The following QSER1 variants were observed in gnomAD, a reference collection of about 807,000 sequenced individuals.
QSER1 encodes glutamine and serine rich 1.
Under a neutral mutation model 158.5 loss-of-function variants are expected in QSER1, and 49 were observed. The ratio of observed to expected loss-of-function variants is 0.31; its 90% CI spans 0.25 to 0.39. QSER1 has a LOEUF of 0.39. QSER1 is among the 10% of genes least tolerant of loss of function. QSER1 has a pLI of 1.00. For synonymous variants in QSER1, 650 were observed against 715.5 expected (o/e 0.91, Z 1.46); for missense variants, 1,754 against 2,010.3 (o/e 0.87, Z 2.44).
chr11:32,933,131 A>G lies in QSER1; in HGVS notation c.1873A>G (p.Met625Val), dbSNP rs779886845. The G allele has an allele frequency of 2.2e-5, 36 of 1,613,206 alleles. No individual in the cohort carries two copies. Among genetic ancestry groups the G allele is most frequent in the Non-Finnish European group, 2.6e-5 (31 of 1,179,798 alleles). ...DSSPTQNYIS[M>V]HSSQNVQTQE... ...TAGCCCGACCCAGAATTATATTTCTATGCATTCTTCCCAAAATGTTCAGAC... is the reference window on the plus strand; with the variant it reads ...TAGCCCGACCCAGAATTATATTTCTGTGCATTCTTCCCAAAATGTTCAGAC... Residue 625 changes from methionine (M) to valine (V), a missense_variant, in exon 4 of 13, where the codon ATG (methionine) becomes GTG (valine). Transcript: ENST00000650167.
At position 32,934,658 on chromosome 11, in the gene QSER1, C is replaced by G. The variant is rs1318521326; in HGVS notation, c.3400C>G (p.Gln1134Glu). Residue 1134 changes from glutamine to glutamate, a missense_variant, in exon 4 of 13, where the codon CAA becomes GAA. Around this residue, in one of 2 missense-constraint regions of QSER1, gnomAD observed 1,707 missense variants for 1,919.6 expected, o/e 0.89. Coordinates refer to ENST00000650167, the MANE Select transcript of QSER1 (RefSeq NM_001076786.3). The part of the protein sequence containing the change: ...VDSTLNNNRN[Q>E]EFVSSSRSIS... ...TAGTACATTAAATAATAACAGAAAC[C>G]AAGAGTTTGTTTCTAGTAGTAGAAG... 3.1e-6 allele frequency: 5 copies of G among 1,613,486 alleles called. No homozygotes were observed. In the African/African-American group the frequency reaches 4.0e-5, roughly 13 times the overall value.
intron 1 of QSER1, chr11:32,926,648 T>C (rs1851975922): frequency 6.6e-6 from 1 of 152,212 alleles, no homozygotes; most frequent in Non-Finnish European, 1.5e-5. Context: ...ATGTTTGAGC[T>C]TGAAGTTTTC....
intron 4 of QSER1, among the ~76,000 whole-genome samples, chr11:32,948,567 G>T (rs949984643): frequency 6.6e-6 from 1 of 152,066 alleles, no homozygotes; most frequent in African/African-American, 2.4e-5. Context: ...AGTTTGAGGG[G>T]GCAGTGAGCT....
intron 4 of QSER1, 85 bp from the exon 5 acceptor site, chr11:32,953,772 T>C: frequency 6.9e-7 from 1 of 1,458,380 alleles, no homozygotes; most frequent in East Asian, 2.3e-5. Context: ...ATCAAGTCTT[T>C]CTTTTTAAAC....
At chr11:32,956,515 A>ACT (rs1161588810) in intron 7 of QSER1, among the ~76,000 whole-genome samples, 1 of 152,176 alleles carries the variant, frequency 6.6e-6, no homozygotes, top group Admixed American at 6.5e-5. Flanking sequence ...TGATAAAAAA[A>ACT]CTATAAGAAC....
chr11:32,906,628 G>T (rs1401604325), intron 1 of QSER1, among the ~76,000 whole-genome samples: 1 of 151,774 alleles, frequency 6.6e-6, no homozygotes, highest in Non-Finnish European at 1.5e-5. Context: ...TCTCAGGGTG[G>T]TCTCAAACTT....
At chr11:32,965,958 C>CACACAT (rs1245631910) in intron 8 of QSER1, among the ~76,000 whole-genome samples, 3 of 150,274 alleles carry the variant, frequency 2.0e-5, no homozygotes, top group Non-Finnish European at 4.5e-5. Context: ...CACACACACA[C>CACACAT]ACACACACAC....
intron 9 of QSER1, among the ~76,000 whole-genome samples, chr11:32,968,785 A>G (rs1052110913): frequency 2.6e-5 from 4 of 152,252 alleles, no homozygotes; most frequent in Non-Finnish European, 4.4e-5. Flanking sequence ...TAGTTCAGCT[A>G]AAACTTAGAA....
intron 4 of QSER1, among the ~76,000 whole-genome samples, chr11:32,946,151 A>T (rs1852327574): frequency 6.6e-6 from 1 of 151,582 alleles, no homozygotes; most frequent in Non-Finnish European, 1.5e-5. Context: ...AATTTTCTTC[A>T]AAGTTTTCAA....
chr11:32,936,866 A>G (rs1399704830), intron 4 of QSER1, among the ~76,000 whole-genome samples: 1 of 152,244 alleles, frequency 6.6e-6, no homozygotes, highest in Non-Finnish European at 1.5e-5. Context: ...ATAACCTGTT[A>G]GCATAAATAT....
chr11:32,976,496 T>C lies in QSER1; in HGVS notation c.*22T>C, dbSNP rs1852980580. Reference sequence around the variant, plus strand: ...CTGACTTTTCCACAAAAATCCCATCTTTTTATAGCACTAATGAAATGGCAG... The same window carrying C: ...CTGACTTTTCCACAAAAATCCCATCCTTTTATAGCACTAATGAAATGGCAG... On this transcript the variant is annotated 3_prime_UTR_variant, in exon 13 of 13. Transcript: ENST00000650167. 9 of 1,609,828 alleles carry C rather than the reference T, an allele frequency of 5.6e-6. No homozygotes were observed. The East Asian group carries it at 2.0e-4, about 36-fold the overall frequency.
At chr11:32,972,724 C>T (rs1227476360) in intron 10 of QSER1, among the ~76,000 whole-genome samples, 1 of 152,160 alleles carries the variant, frequency 6.6e-6, no homozygotes, top group Non-Finnish European at 1.5e-5. Context: ...GCATGAGCCA[C>T]CATTCCTGGC....
chr11:32,901,546 A>C (rs2133491390), intron 1 of QSER1, among the ~76,000 whole-genome samples: 1 of 152,298 alleles, frequency 6.6e-6, no homozygotes, highest in East Asian at 1.9e-4. Context: ...GTGTTCTAAG[A>C]GGGAGGAAAT....
At chr11:32,960,856 TAAG>T (rs1470334051) in intron 8 of QSER1, among the ~76,000 whole-genome samples, 2 of 152,196 alleles carry the variant, frequency 1.3e-5, no homozygotes, top group East Asian at 1.9e-4. Flanking sequence ...TTAGTTCTCT[TAAG>T]AAGTCAAATA....
chr11:32,946,951 G>A (rs187673248), intron 4 of QSER1, among the ~76,000 whole-genome samples: 51 of 152,322 alleles, frequency 3.3e-4, no homozygotes, highest in Admixed American at 1.2e-3. Flanking sequence ...TTTTAAGCCC[G>A]TCAGAAAAGT....
chr11:32,902,404 C>T (rs1564924939), intron 1 of QSER1, among the ~76,000 whole-genome samples: 2 of 152,182 alleles, frequency 1.3e-5, no homozygotes, highest in Non-Finnish European at 2.9e-5. Context: ...GCATTTCTAA[C>T]AAGTTTGTAG....
Position 32,977,223 on chromosome 11 carries a change from A to C in QSER1, c.*749A>C, listed in dbSNP as rs1852993548. 1 of 152,580 alleles carries C rather than the reference A, an allele frequency of 6.6e-6. No individual in the cohort carries two copies. The highest frequency in any genetic ancestry group is 2.1e-4 in the South Asian group (1 of 4,834). 9.5% of individuals were successfully genotyped at this position (152,580 alleles called of 1,614,324 possible). On this transcript the variant is annotated 3_prime_UTR_variant, in exon 13 of 13. Coordinates refer to ENST00000650167, the MANE Select transcript of QSER1 (RefSeq NM_001076786.3). ...TATTTCACTGATAGTTGTATTTTTC[A>C]CAAGGAAAATGTTGTGGTTATAATT...
chr11:32,937,151 T>A (rs1301774274), intron 4 of QSER1, among the ~76,000 whole-genome samples: 2 of 152,218 alleles, frequency 1.3e-5, no homozygotes, highest in Non-Finnish European at 2.9e-5. Context: ...AAAATCATCA[T>A]CATAAACCCG....
At chr11:32,926,544 ATTTC>A (rs1325536967) in intron 1 of QSER1, among the ~76,000 whole-genome samples, 1 of 152,152 alleles carries the variant, frequency 6.6e-6, no homozygotes, top group Non-Finnish European at 1.5e-5. Context: ...TGTATTTTTG[ATTTC>A]TTTCTATGGG....
Sources: allele counts gnomAD v4.1 joint callset (sites outside exome capture counted in the v4.1 genomes callset), GRCh38; gene constraint gnomAD v4.1.1; regional missense constraint gnomAD v4.1.1; transcripts MANE v1.5; gene names NCBI Gene and HGNC (gene_info 2026-07-23, HGNC 2026-07-21).